Variants in TENM1 observed in about 807,000 individuals in gnomAD.
TENM1 encodes the protein teneurin transmembrane protein 1.
TENM1 carries 35 observed loss-of-function variants against 174.8 expected under a neutral mutation model. That is an observed-to-expected ratio of 0.20 (90% CI 0.15 to 0.27). The LOEUF (loss-of-function observed/expected upper bound fraction) is 0.27, where lower values mean the gene tolerates loss of function less well. Among genes scored for constraint, TENM1 ranks in the 10% least tolerant of loss-of-function variants. The probability of loss-of-function intolerance (pLI) is 1.00; values close to 1 mark genes in which losing one functional copy is unlikely to be tolerated. For synonymous variants in TENM1, 781 were observed against 798.7 expected, an observed-to-expected ratio of 0.98 and a Z score of 0.37; for missense variants, 1,633 against 2,130.1, an observed-to-expected ratio of 0.77 and a Z score of 4.59.
At chrX:124,799,824 T>C (rs1053036523) in intron 3 of TENM1, among the ~76,000 whole-genome samples, 16 of 111,728 alleles carry the variant, frequency 1.4e-4, no homozygotes, top group Non-Finnish European at 3.0e-4. Context: ...GATGTTGAAT[T>C]TTACCAAAGG....
exon 24 of TENM1, chrX:124,422,541 C>G (rs369395433): frequency 1.7e-6 from 2 of 1,209,102 alleles, no homozygotes; most frequent in African/African-American, 3.5e-5. Context: ...CCGAACACGC[C>G]TGTTCTCAGA....
intron 3 of TENM1, among the ~76,000 whole-genome samples, chrX:124,813,287 T>C (rs1246483507): frequency 8.9e-6 from 1 of 111,752 alleles, no homozygotes; most frequent in Admixed American, 9.5e-5. Flanking sequence ...TTAAAAAGTT[T>C]GATAACACCT....
At chrX:124,495,060 C>T (rs1477014597) in intron 20 of TENM1, among the ~76,000 whole-genome samples, 24 of 105,031 alleles carry the variant, frequency 2.3e-4, no homozygotes, top group East Asian at 1.2e-3. Context: ...ATGGTATTTC[C>T]AGTTCTAGAT....
chrX:124,671,031 T>A (rs901881028), intron 6 of TENM1, among the ~76,000 whole-genome samples: 1 of 111,539 alleles, frequency 9.0e-6, no homozygotes, highest in African/African-American at 3.3e-5. Context: ...CCAGCTATTT[T>A]CACTGCTTGT....
chrX:124,732,492 TCA>T (rs974954611), intron 4 of TENM1, among the ~76,000 whole-genome samples: 1 of 111,771 alleles, frequency 8.9e-6, no homozygotes, highest in African/African-American at 3.3e-5. Flanking sequence ...TTTATTTTAA[TCA>T]CATGACTTTT....
chrX:124,861,641 A>T (rs138179315), intron 3 of TENM1, among the ~76,000 whole-genome samples: 4,723 of 112,148 alleles, frequency 0.042, 234 homozygotes, highest in African/African-American at 0.14. Context: ...AAATATGATT[A>T]TATCTTCATA....
chrX:124,484,363 C>G (rs1050193046), intron 21 of TENM1, among the ~76,000 whole-genome samples: 3 of 111,698 alleles, frequency 2.7e-5, no homozygotes, highest in Non-Finnish European at 5.7e-5. Context: ...CCACACTTTA[C>G]TCTTTGGAAG....
chrX:124,858,126 T>C (rs890125274), intron 3 of TENM1, among the ~76,000 whole-genome samples: 5 of 112,305 alleles, frequency 4.5e-5, no homozygotes, highest in Admixed American at 3.8e-4. Context: ...TCAAGGAAAA[T>C]GTCTAATTAT....
At chrX:125,090,310 C>G in the TENM1 span, among the ~76,000 whole-genome samples, 1 of 111,400 alleles carries the variant, frequency 9.0e-6, no homozygotes, top group Non-Finnish European at 1.9e-5. Flanking sequence ...CAGAAAGGCA[C>G]ACAAACAGAT....
At chrX:124,935,329 T>C (rs758660190) in intron 1 of TENM1, among the ~76,000 whole-genome samples, 89 of 110,830 alleles carry the variant, frequency 8.0e-4, no homozygotes, top group Non-Finnish European at 1.4e-3. Flanking sequence ...TTTTCTTAAA[T>C]CCACTATTGG....
At chrX:125,078,041 A>C in the TENM1 span, among the ~76,000 whole-genome samples, 1 of 111,813 alleles carries the variant, frequency 8.9e-6, no homozygotes, top group South Asian at 3.7e-4. Context: ...AGGAGGACAA[A>C]CCCTGGGGTA....
Position 124,520,513 on chromosome X carries a change from A to C in TENM1, c.3301+4T>G, listed in dbSNP as rs1416165918. 2 of 1,198,300 alleles carry C rather than the reference A, an allele frequency of 1.7e-6. No individual in the cohort carries two copies. The highest frequency in any genetic ancestry group is 2.3e-6 in the Non-Finnish European group (2 of 886,130). ...GCTATTTACATATAATTAGTTCAAC[A>C]TACCCAAAGCCTCTGCCAGGCCCCA... On this transcript the variant is annotated splice_donor_region_variant and intron_variant, in intron 18 of 31. Transcript: ENST00000422452.
the TENM1 span, among the ~76,000 whole-genome samples, chrX:125,056,534 T>C: frequency 9.0e-6 from 1 of 111,395 alleles, no homozygotes; most frequent in Non-Finnish European, 1.9e-5. Context: ...CTTCCTCATT[T>C]CTAAGATTGT....
intron 11 of TENM1, among the ~76,000 whole-genome samples, chrX:124,603,218 C>T (rs936167695): frequency 9.0e-6 from 1 of 111,246 alleles, no homozygotes; most frequent in African/African-American, 3.3e-5. Flanking sequence ...TTAAAGTCAC[C>T]TGGTTTGGGG....
At chrX:124,557,329 T>C (rs750768069) in intron 14 of TENM1, among the ~76,000 whole-genome samples, 3 of 111,763 alleles carry the variant, frequency 2.7e-5, no homozygotes, top group Non-Finnish European at 5.7e-5. Context: ...TATTGGATGG[T>C]CTACACATTT....
At chrX:124,383,849 T>C in exon 30 of TENM1, 1 of 1,210,933 alleles carries the variant, frequency 8.3e-7, no homozygotes, top group Non-Finnish European at 1.1e-6. Context: ...AATAATGACC[T>C]GAAAGTCAGG....
At chrX:125,097,399 T>C in the TENM1 span, among the ~76,000 whole-genome samples, 68 of 112,034 alleles carry the variant, frequency 6.1e-4, no homozygotes, top group African/African-American at 2.1e-3. Flanking sequence ...GCACCAATCT[T>C]TTTTTCAACT....
intron 11 of TENM1, among the ~76,000 whole-genome samples, chrX:124,626,921 A>G (rs1468921403): frequency 1.8e-5 from 2 of 112,512 alleles, no homozygotes; most frequent in African/African-American, 6.5e-5. Context: ...CTGGTGGCAA[A>G]CATTATAGAT....
chrX:124,525,756 A>C (rs2047960647), intron 16 of TENM1, among the ~76,000 whole-genome samples: 1 of 111,683 alleles, frequency 9.0e-6, no homozygotes. Flanking sequence ...TCTTTGGGCT[A>C]GTTATTTAAC....
Sources: gnomAD v4.1 joint callset for allele counts (sites outside exome capture counted in the v4.1 genomes callset) on GRCh38, gnomAD v4.1.1 for gene constraint, MANE v1.5 for transcripts, NCBI Gene and HGNC (gene_info 2026-07-23, HGNC 2026-07-21) for gene names.